Variants in SLC66A2 observed in about 807,000 individuals in gnomAD.
SLC66A2 encodes PQ loop repeat containing 1.
A neutral mutation model predicts 25.5 loss-of-function variants in SLC66A2; 23 were observed. The ratio of observed to expected loss-of-function variants is 0.90; its 90% CI spans 0.65 to 1.28. SLC66A2 has a LOEUF of 1.28. SLC66A2 is among the 50% of genes most tolerant of loss of function. SLC66A2 has a pLI of 0.00. For synonymous variants in SLC66A2, 193 were observed against 166.5 expected, an observed-to-expected ratio of 1.16 and a Z score of -1.23; for missense variants, 396 against 373.1, an observed-to-expected ratio of 1.06 and a Z score of -0.51.
In SLC66A2 at chr18:79,903,233, C is replaced by A. The variant is rs940951149; in HGVS notation, c.*743G>T. 1 of 152,440 alleles carries A rather than the reference C, an allele frequency of 6.6e-6. No individual in the cohort carries two copies. The highest frequency in any genetic ancestry group is 1.5e-5 in the Non-Finnish European group (1 of 68,174). The allele number at this position is 152,440 out of a possible 1,614,324, so 9.4% of individuals were successfully genotyped here. A position where few individuals can be genotyped will look rare whatever the true frequency, so the allele number is the denominator to read the frequency against. On this transcript the variant is annotated 3_prime_UTR_variant, in exon 6 of 6. Coordinates refer to ENST00000397778, the MANE Select transcript of SLC66A2 (RefSeq NM_025078.5). ...TTGCCCATGAGGGCCTCCACGTTGTCTGATGGTCGCTGGCATCTGCCACGT... is the reference window on the plus strand; with the variant it reads ...TTGCCCATGAGGGCCTCCACGTTGTATGATGGTCGCTGGCATCTGCCACGT...
At chr18:79,919,106 C>T (rs188473343) in intron 5 of SLC66A2, 78 bp downstream of exon 5, 60 of 1,262,772 alleles carry the variant, frequency 4.8e-5, no homozygotes, top group African/African-American at 2.1e-4. Context: ...GACACACAGG[C>T]GTTTGATTTT....
At chr18:79,948,398 A>C (rs112097686) in intron 2 of SLC66A2, among the ~76,000 whole-genome samples, 5 of 152,356 alleles carry the variant, frequency 3.3e-5, no homozygotes, top group African/African-American at 1.2e-4. Flanking sequence ...TCTGTTGGCC[A>C]GACTGGAGGA....
chr18:79,929,663 T>C (rs1029190349), intron 4 of SLC66A2, among the ~76,000 whole-genome samples: 1 of 152,052 alleles, frequency 6.6e-6, no homozygotes, highest in African/African-American at 2.4e-5. Flanking sequence ...ATTATAAATA[T>C]GTTCAAATAA....
chr18:79,903,983 G>A lies in SLC66A2; in HGVS notation c.809C>T (p.Ala270Val). 1 of 1,601,500 alleles carries A rather than the reference G, an allele frequency of 6.2e-7. No homozygotes were observed. ...PHAVHPTGTK[A>V]L Reference sequence around the variant, plus strand: ...TCCTCGTCCTCCCCACTGTCAGAGGGCCTTGGTGCCAGTGGGGTGCACGGC... The same window carrying A: ...TCCTCGTCCTCCCCACTGTCAGAGGACCTTGGTGCCAGTGGGGTGCACGGC... Residue 270 changes from alanine (A) to valine (V), a missense_variant, in exon 6 of 6, where the codon GCC (alanine) becomes GTC (valine). Ala to Val is a moderately conservative substitution (Grantham distance 64). Coordinates refer to ENST00000397778, the MANE Select transcript of SLC66A2 (RefSeq NM_025078.5).
At chr18:79,919,065 T>C in intron 5 of SLC66A2, 119 bp downstream of exon 5, 2 of 916,098 alleles carry the variant, frequency 2.2e-6, no homozygotes, top group African/African-American at 1.6e-5. Flanking sequence ...AACCGGCAGC[T>C]TCACAGGTCA....
At chr18:79,925,265 A>G (rs1215748299) in intron 4 of SLC66A2, among the ~76,000 whole-genome samples, 1 of 152,158 alleles carries the variant, frequency 6.6e-6, no homozygotes, top group Non-Finnish European at 1.5e-5. Flanking sequence ...CAGAAATCCA[A>G]GAGGGCAGGT....
intron 5 of SLC66A2, among the ~76,000 whole-genome samples, chr18:79,906,333 G>C (rs1402353232): frequency 6.6e-6 from 1 of 151,982 alleles, no homozygotes; most frequent in Non-Finnish European, 1.5e-5. Flanking sequence ...TTAGATTGAT[G>C]ATTTGAGAAC....
At chr18:79,910,761 G>A (rs544235929) in intron 5 of SLC66A2, among the ~76,000 whole-genome samples, 62 of 152,368 alleles carry the variant, frequency 4.1e-4, no homozygotes, top group African/African-American at 1.3e-3. Context: ...ATGGCTGGGC[G>A]TGTTCCAGTG....
In SLC66A2 at chr18:79,943,347, T is replaced by C. The variant is rs1329087570; in HGVS notation, c.319A>G (p.Arg107Gly). Residue 107 changes from arginine to glycine, a missense_variant, in exon 3 of 6, where the codon AGG becomes GGG. Coordinates refer to ENST00000397778, the MANE Select transcript of SLC66A2 (RefSeq NM_025078.5). ...CACCAACCTGTAAAGGAGCGGCGCC[T>C]GGCGTTGAGCTCGTTGGCCACACGG... is the stretch of plus-strand genomic sequence containing the variant. ...EVRVANELNARRRSFTAADSK... is the reference protein window; with the variant it reads ...EVRVANELNAGRRSFTAADSK... 2 of 1,613,984 alleles carry C rather than the reference T, an allele frequency of 1.2e-6. No individual in the cohort carries two copies. Among genetic ancestry groups the C allele is most frequent in the East Asian group, 2.2e-5 (1 of 44,862 alleles).
Position 79,940,228 on chromosome 18 carries a change from C to T in SLC66A2, c.337+3101G>A, listed in dbSNP as rs1201444626. On this transcript the variant is annotated intron_variant, in intron 3 of 5. Transcript: ENST00000397778. This position sits in a 1 kb window ranked among gnomAD's most constrained non-coding sequence, Gnocchi z 4.1. ...GGGAACAACAGCCACTAGAGCCTGT[C>T]GGGGGGTGGAGAGCAGGAGGAGGGA... Among the ~76,000 whole-genome samples the T allele has an allele frequency of 6.6e-6, 1 of 151,908 alleles. No homozygotes were observed. Among genetic ancestry groups the T allele is most frequent in the Non-Finnish European group, 1.5e-5 (1 of 67,962 alleles).
At chr18:79,948,526 A>T (rs1233351441) in intron 2 of SLC66A2, among the ~76,000 whole-genome samples, 1 of 152,084 alleles carries the variant, frequency 6.6e-6, no homozygotes, top group Non-Finnish European at 1.5e-5. Flanking sequence ...TTTTTTGTAG[A>T]GACGGTGTCT....
At position 79,918,656 on chromosome 18, in the gene SLC66A2, GGGACGTCCAGGCACGCACTGGTGCA is replaced by G. The variant is rs1405654874; in HGVS notation, c.608+503_608+527del. 6.6e-6 allele frequency among the ~76,000 whole-genome samples: 1 copy of G among 152,248 alleles called. No individual in the cohort carries two copies. The highest frequency in any genetic ancestry group is 2.4e-5 in the African/African-American group (1 of 41,468). On this transcript the variant is annotated intron_variant, in intron 5 of 5. Coordinates refer to ENST00000397778, the MANE Select transcript of SLC66A2 (RefSeq NM_025078.5). The surrounding 1 kb of genome is among the most constrained non-coding windows in gnomAD (Gnocchi z 4.0). ...TTGTGCCCTACCTCTGGCGGTCACG[GGGACGTCCAGGCACGCACTGGTGCA>G]GGGCGCCCAGGCATGGTCTGTGGTT...
At position 79,903,867 on chromosome 18, in the gene SLC66A2, C is replaced by T. The variant is rs1443348543; in HGVS notation, c.*109G>A. ...CTGATGGAGACCCCAATGCCCATGC[C>T]CCATCTCTGCCACACCTGCAGGGGC... On this transcript the variant is annotated 3_prime_UTR_variant, in exon 6 of 6. Transcript: ENST00000397778. 5.2e-6 allele frequency: 5 copies of T among 967,998 alleles called. No individual in the cohort carries two copies. Among genetic ancestry groups the T allele is most frequent in the African/African-American group, 1.7e-5 (1 of 59,878 alleles). The allele number at this position is 967,998 out of a possible 1,614,324, so 60.0% of individuals were successfully genotyped here.
intron 5 of SLC66A2, among the ~76,000 whole-genome samples, chr18:79,916,531 C>A (rs1336101439): frequency 6.6e-6 from 1 of 152,236 alleles, no homozygotes; most frequent in East Asian, 1.9e-4. Flanking sequence ...TCACGTCGCA[C>A]CCTTAGGTCC....
intron 3 of SLC66A2, among the ~76,000 whole-genome samples, chr18:79,939,858 C>G (rs1379358401): frequency 6.6e-6 from 1 of 152,118 alleles, no homozygotes; most frequent in East Asian, 1.9e-4. Context: ...CCCAACAATC[C>G]CGGTACTGGG....
intron 4 of SLC66A2, among the ~76,000 whole-genome samples, chr18:79,932,805 G>A (rs374410083): frequency 5.9e-5 from 9 of 152,248 alleles, no homozygotes; most frequent in East Asian, 1.9e-4. Context: ...GATTGAATTC[G>A]TAATTTTAAA....
chr18:79,926,310 C>T (rs1034702558), intron 4 of SLC66A2, among the ~76,000 whole-genome samples: 1 of 152,064 alleles, frequency 6.6e-6, no homozygotes, highest in Non-Finnish European at 1.5e-5. Flanking sequence ...TGTGCGAGAC[C>T]CAAGAGTCCT....
intron 4 of SLC66A2, 144 bp downstream of exon 4, chr18:79,933,825 T>G: frequency 1.5e-6 from 1 of 661,726 alleles, no homozygotes; most frequent in African/African-American, 1.8e-5. Flanking sequence ...AGCTAGGAGT[T>G]GATTAGTTTG....
chr18:79,916,267 T>TCGCGTACCCACGGTGCTCTCATA (rs2036223822), intron 5 of SLC66A2, among the ~76,000 whole-genome samples: 1 of 147,230 alleles, frequency 6.8e-6, no homozygotes, highest in African/African-American at 2.5e-5. Context: ...GCCGCAGTGC[T>TCGCGTACCCACGGTGCTCTCATA]CCCGTACCCG....
Sources: gnomAD v4.1 joint callset for allele counts (sites outside exome capture counted in the v4.1 genomes callset) on GRCh38, gnomAD v4.1.1 for gene constraint, Gnocchi (gnomAD v3.1) non-coding constraint, MANE v1.5 for transcripts, NCBI Gene and HGNC (gene_info 2026-07-23, HGNC 2026-07-21) for gene names.